SLC4A10: variants seen among roughly 807,000 people sequenced by gnomAD.
SLC4A10 encodes sodium-driven chloride bicarbonate exchanger.
SLC4A10 carries 42 observed loss-of-function variants against 137.7 expected under a neutral mutation model. The observed-to-expected ratio is 0.30, with a 90% confidence interval of 0.24 to 0.39. The LOEUF (loss-of-function observed/expected upper bound fraction) is 0.39. Ranked by LOEUF, SLC4A10 falls within the 10% of genes least tolerant of loss-of-function variation. The pLI, the probability that SLC4A10 is intolerant of heterozygous loss-of-function variation, is 1.00. For synonymous variants in SLC4A10, 474 were observed against 464.1 expected, an observed-to-expected ratio of 1.02 and a Z score of -0.27; for missense variants, 925 against 1,355.0, an observed-to-expected ratio of 0.68 and a Z score of 4.98.
At chr2:161,759,965 G>C (rs1274627721) in intron 1 of SLC4A10, among the ~76,000 whole-genome samples, 1 of 151,838 alleles carries the variant, frequency 6.6e-6, no homozygotes, top group Non-Finnish European at 1.5e-5. Flanking sequence ...TGTTTCTTCT[G>C]TTTTGTTATT....
At chr2:161,786,524 A>G (rs1410879554) in intron 2 of SLC4A10, among the ~76,000 whole-genome samples, 1 of 151,792 alleles carries the variant, frequency 6.6e-6, no homozygotes, top group Non-Finnish European at 1.5e-5. Flanking sequence ...TTGTACTTAT[A>G]TGAGCTTTTA....
chr2:161,648,737 G>A (rs2036406275), intron 1 of SLC4A10, among the ~76,000 whole-genome samples: 1 of 152,078 alleles, frequency 6.6e-6, no homozygotes, highest in South Asian at 2.1e-4. Flanking sequence ...TCATACTATT[G>A]CTTTATAAAT....
At chr2:161,902,419 GT>G (rs1575554197) in intron 12 of SLC4A10, among the ~76,000 whole-genome samples, 1 of 152,006 alleles carries the variant, frequency 6.6e-6, no homozygotes. Context: ...GAGTAAATCT[GT>G]TTTGAATTGT....
chr2:161,913,867 A>G (rs1480260552), intron 15 of SLC4A10, among the ~76,000 whole-genome samples: 1 of 152,206 alleles, frequency 6.6e-6, no homozygotes, highest in African/African-American at 2.4e-5. Context: ...ATAATTTTAC[A>G]TAGGATATCT....
chr2:161,904,689 A>G (rs1410879905), intron 13 of SLC4A10, 87 bp from the exon 14 acceptor site: 1 of 1,507,902 alleles, frequency 6.6e-7, no homozygotes, highest in Non-Finnish European at 9.0e-7. Flanking sequence ...CACAAAGCAC[A>G]TATCCATGTA....
At chr2:161,975,749 A>T (rs923732931) in intron 24 of SLC4A10, among the ~76,000 whole-genome samples, 2 of 152,220 alleles carry the variant, frequency 1.3e-5, no homozygotes, top group African/African-American at 4.8e-5. Context: ...TTGAACAAAG[A>T]AGGGGCAAGG....
chr2:161,917,567 G>T (rs1490552668), intron 15 of SLC4A10, among the ~76,000 whole-genome samples: 1 of 145,750 alleles, frequency 6.9e-6, no homozygotes, highest in Non-Finnish European at 1.5e-5. Flanking sequence ...AAAAGAGGGA[G>T]ACCCTGTCTA....
intron 16 of SLC4A10, among the ~76,000 whole-genome samples, chr2:161,945,942 G>A (rs1451093460): frequency 6.6e-6 from 1 of 151,840 alleles, no homozygotes; most frequent in East Asian, 1.9e-4. Flanking sequence ...TGTTTATCAT[G>A]GAACTTTTAG....
chr2:161,836,589 AAAGAAAGAAAGG>A (rs201400225), intron 3 of SLC4A10, among the ~76,000 whole-genome samples: 18,197 of 69,932 alleles, frequency 0.26, 2,616 homozygotes, highest in East Asian at 0.55. Context: ...AGAAAGAAAG[AAAGAAAGAAAGG>A]AAGGAAGGAA....
At chr2:161,853,286 G>A (rs1321813922) in intron 4 of SLC4A10, among the ~76,000 whole-genome samples, 1 of 152,040 alleles carries the variant, frequency 6.6e-6, no homozygotes, top group Non-Finnish European at 1.5e-5. Context: ...TTGGGGTTTT[G>A]CTCATCTGTT....
intron 19 of SLC4A10, 90 bp from the exon 20 acceptor site, chr2:161,956,899 C>T: frequency 7.4e-7 from 1 of 1,357,056 alleles, no homozygotes; most frequent in Non-Finnish European, 9.8e-7. Context: ...TGTTGAGTAT[C>T]ATCAGGAAGT....
intron 1 of SLC4A10, among the ~76,000 whole-genome samples, chr2:161,664,943 A>G (rs545290823): frequency 8.8e-4 from 133 of 151,960 alleles, no homozygotes; most frequent in Middle Eastern, 6.8e-3. Context: ...AATTCTATGT[A>G]ATATTTTCAT....
intron 2 of SLC4A10, among the ~76,000 whole-genome samples, chr2:161,790,981 G>C (rs913769336): frequency 6.6e-6 from 1 of 152,164 alleles, no homozygotes; most frequent in Non-Finnish European, 1.5e-5. Flanking sequence ...ATGCTGGTGA[G>C]GTTGTGGAGA....
intron 15 of SLC4A10, among the ~76,000 whole-genome samples, chr2:161,927,034 G>C (rs1292736904): frequency 6.6e-6 from 1 of 152,046 alleles, no homozygotes; most frequent in African/African-American, 2.4e-5. Context: ...AAAATTATGT[G>C]TCTTGGAGTT....
At chr2:161,707,976 A>C (rs1016977170) in intron 1 of SLC4A10, among the ~76,000 whole-genome samples, 1 of 151,368 alleles carries the variant, frequency 6.6e-6, no homozygotes, top group African/African-American at 2.4e-5. Context: ...GTTTGGAAGG[A>C]AGATTCCTTC....
At chr2:161,770,057 A>G (rs1435298123) in intron 1 of SLC4A10, among the ~76,000 whole-genome samples, 1 of 151,984 alleles carries the variant, frequency 6.6e-6, no homozygotes, top group Admixed American at 6.6e-5. Context: ...TACTAGTCAT[A>G]TACTGGAATA....
intron 7 of SLC4A10, 46 bp from the exon 8 acceptor site, chr2:161,873,870 G>A (rs1316797620): frequency 2.6e-6 from 4 of 1,556,762 alleles, no homozygotes; most frequent in Admixed American, 1.8e-5. Context: ...CGGAGTCTCC[G>A]TGGGAGCATG....
At chr2:161,822,326 C>G (rs898481515) in intron 3 of SLC4A10, among the ~76,000 whole-genome samples, 3 of 152,120 alleles carry the variant, frequency 2.0e-5, no homozygotes, top group African/African-American at 7.2e-5. Context: ...GACCCTAATA[C>G]CAATGTGGAA....
chr2:161,769,666 A>G (rs1284671511), intron 1 of SLC4A10, among the ~76,000 whole-genome samples: 1 of 151,858 alleles, frequency 6.6e-6, no homozygotes, highest in African/African-American at 2.4e-5. Context: ...AAATGTCTAT[A>G]TGTTGTTTGA....
Sources: gnomAD v4.1 joint callset for allele counts (sites outside exome capture counted in the v4.1 genomes callset) on GRCh38, gnomAD v4.1.1 for gene constraint, MANE v1.5 for transcripts, NCBI Gene and HGNC (gene_info 2026-07-23, HGNC 2026-07-21) for gene names.